The following DOCK8 variants were observed in gnomAD, a reference collection of about 807,000 sequenced individuals.
The protein encoded by DOCK8 is dedicator of cytokinesis protein 8.
DOCK8 carries 141 observed loss-of-function variants against 245.6 expected under a neutral mutation model. The ratio of observed to expected loss-of-function variants is 0.57; its 90% CI spans 0.50 to 0.66. DOCK8 has a LOEUF of 0.66. Ranked by LOEUF, DOCK8 falls within the 30% of genes least tolerant of loss-of-function variation. The pLI, the probability that DOCK8 is intolerant of heterozygous loss-of-function variation, is 0.00. For synonymous variants in DOCK8, 1,168 were observed against 970.2 expected, an observed-to-expected ratio of 1.20 and a Z score of -3.79; for missense variants, 2,965 against 2,603.4, an observed-to-expected ratio of 1.14 and a Z score of -3.02.
intron 7 of DOCK8, among the ~76,000 whole-genome samples, chr9:323,409 G>T (rs1185897366): frequency 2.0e-5 from 3 of 151,898 alleles, no homozygotes; most frequent in Admixed American, 2.0e-4. Context: ...GTTTAGTAGA[G>T]ACAGGGTTTC....
At position 463,503 on chromosome 9, in the gene DOCK8, T is replaced by C. The variant is rs1378679230; in HGVS notation, c.6069-14T>C. Reference sequence around the variant, plus strand: ...AAGTCATTTATTTCTCCCACACTGATATTTTCATCTCAGATGTGGTGAAGC... The same window carrying C: ...AAGTCATTTATTTCTCCCACACTGACATTTTCATCTCAGATGTGGTGAAGC... On this transcript the variant is annotated splice_polypyrimidine_tract_variant and intron_variant, in intron 46 of 47. Transcript: ENST00000432829. The C allele has an allele frequency of 1.9e-6, 3 of 1,613,898 alleles. No individual in the cohort carries two copies. The highest frequency in any genetic ancestry group is 1.7e-5 in the Admixed American group (1 of 60,000).
Position 361,001 on chromosome 9 carries a change from A to G in DOCK8, c.1680-7017A>G, listed in dbSNP as rs553173012. Among the ~76,000 whole-genome samples, 14 of 152,294 alleles carry G rather than the reference A, an allele frequency of 9.2e-5. No homozygotes were observed. In the South Asian group the frequency reaches 1.5e-3, roughly 16 times the overall value. ...ACAGGAAGATTTCACCTCTACAAAAAGTAAAACTAAAAAATTAGCCAGGCA... is the reference window on the plus strand; with the variant it reads ...ACAGGAAGATTTCACCTCTACAAAAGGTAAAACTAAAAAATTAGCCAGGCA... On this transcript the variant is annotated intron_variant, in intron 14 of 47. Transcript: ENST00000432829.
intron 14 of DOCK8, 65 bp downstream of exon 14, chr9:340,386 C>T (rs549296093): frequency 3.3e-5 from 53 of 1,595,526 alleles, no homozygotes; most frequent in East Asian, 4.5e-5. Context: ...TTTGGGAGGC[C>T]GAGGCAGGAG....
intron 44 of DOCK8, 35 bp from the exon 45 acceptor site, chr9:449,749 A>G: frequency 4.3e-6 from 7 of 1,612,146 alleles, no homozygotes; most frequent in Non-Finnish European, 5.9e-6. Flanking sequence ...ATGAGACCAG[A>G]CAGTGACTTC....
chr9:377,247 G>A (rs1426404479), intron 20 of DOCK8, 36 bp downstream of exon 20: 1 of 1,526,298 alleles, frequency 6.6e-7, no homozygotes, highest in South Asian at 1.2e-5. Flanking sequence ...GAGGAGGCAG[G>A]AGCAAGCAAG....
chr9:275,901 T>A (rs927329071), intron 2 of DOCK8, among the ~76,000 whole-genome samples: 3 of 144,414 alleles, frequency 2.1e-5, no homozygotes, highest in African/African-American at 7.7e-5. Flanking sequence ...GTTTTACTTT[T>A]TTTTTTTGTA....
At chr9:333,400 G>C (rs972295853) in intron 10 of DOCK8, among the ~76,000 whole-genome samples, 2 of 152,178 alleles carry the variant, frequency 1.3e-5, no homozygotes, top group African/African-American at 2.4e-5. Context: ...AGAAGATTGA[G>C]ACCATCCTGG....
intron 2 of DOCK8, among the ~76,000 whole-genome samples, chr9:272,574 CAG>C (rs1187905263): frequency 2.6e-5 from 4 of 152,192 alleles, no homozygotes; most frequent in African/African-American, 7.2e-5. Flanking sequence ...TTTGTAGAGA[CAG>C]GGGTCTCGCT....
rs770655713 is a variant in DOCK8 at position 214,948 on chromosome 9, C to T, written c.-29C>T. ...GCCCCCGCTTTCCGCACCCCGCGAC[C>T]CTAGAAGCCACCGAACCGCCGGCGG... On this transcript the variant is annotated 5_prime_UTR_variant, in exon 1 of 48. Transcript: ENST00000432829. The T allele has an allele frequency of 1.9e-6, 3 of 1,604,208 alleles. No individual in the cohort carries two copies. The highest frequency in any genetic ancestry group is 1.1e-5 in the South Asian group (1 of 89,942).
chr9:433,362 GTC>G (rs1440477000), intron 37 of DOCK8, among the ~76,000 whole-genome samples: 1 of 152,170 alleles, frequency 6.6e-6, no homozygotes, highest in Admixed American at 6.5e-5. Flanking sequence ...TCAAGCCATA[GTC>G]TCTCCCTGTT....
chr9:460,962 T>A (rs2057785073), intron 46 of DOCK8, among the ~76,000 whole-genome samples: 1 of 152,258 alleles, frequency 6.6e-6, no homozygotes, highest in South Asian at 2.1e-4. Flanking sequence ...TTACTAATTA[T>A]TGCGTGTTAG....
intron 14 of DOCK8, chr9:365,668 A>G (rs2052954311): frequency 2.2e-6 from 1 of 448,868 alleles, no homozygotes; most frequent in Non-Finnish European, 4.4e-6. Flanking sequence ...ATGCTTTGGA[A>G]AAGCTAAGTA....
In DOCK8 at chr9:400,959, C is replaced by CCACCTCCTCCACCAT. The variant is rs2055027443; in HGVS notation, c.3234+1704_3234+1705insTCCTCCACCATCACC. Among the ~76,000 whole-genome samples the CCACCTCCTCCACCAT allele has an allele frequency of 1.5e-4, 7 of 47,880 alleles. 1 individual carries two copies. Among genetic ancestry groups the CCACCTCCTCCACCAT allele is most frequent in the East Asian group, 1.3e-3 (3 of 2,302 alleles). 31.4% of individuals were successfully genotyped at this position (47,880 alleles called of 152,430 possible). A position where few individuals can be genotyped will look rare whatever the true frequency, so the allele number is the denominator to read the frequency against. Reference sequence around the variant, plus strand: ...TCCACCACCACCATCACCACCACCACCACCACCTCCTCCACCATCACCACC... The same window carrying CCACCTCCTCCACCAT: ...TCCACCACCACCATCACCACCACCACCACCTCCTCCACCATCACCACCTCCTCCACCATCACCACC... On this transcript the variant is annotated intron_variant, in intron 26 of 47. Transcript: ENST00000432829.
At chr9:387,442 CAAAAAAAA>C (rs139131854) in intron 23 of DOCK8, among the ~76,000 whole-genome samples, 102 of 77,140 alleles carry the variant, frequency 1.3e-3, no homozygotes, top group African/African-American at 3.4e-3. Flanking sequence ...GACTCCATTT[CAAAAAAAA>C]AAAAAAAGAA....
At chr9:225,605 G>T (rs1459346304) in intron 1 of DOCK8, among the ~76,000 whole-genome samples, 2 of 152,154 alleles carry the variant, frequency 1.3e-5, no homozygotes, top group African/African-American at 4.8e-5. Flanking sequence ...CCTACTATGT[G>T]CCTAGCACTA....
At chr9:382,265 C>G (rs1039559990) in intron 21 of DOCK8, among the ~76,000 whole-genome samples, 9 of 152,212 alleles carry the variant, frequency 5.9e-5, no homozygotes, top group African/African-American at 9.6e-5. Flanking sequence ...GTAGTACCCC[C>G]TGCCTTTGTA....
At chr9:348,338 G>A (rs1400141534) in intron 14 of DOCK8, among the ~76,000 whole-genome samples, 2 of 152,180 alleles carry the variant, frequency 1.3e-5, no homozygotes, top group Non-Finnish European at 2.9e-5. Context: ...GTAAGGAGGT[G>A]CTGTGTACAT....
At chr9:423,951 A>C (rs754974739) in intron 33 of DOCK8, among the ~76,000 whole-genome samples, 33 of 152,076 alleles carry the variant, frequency 2.2e-4, no homozygotes, top group Non-Finnish European at 4.4e-4. Context: ...GGTCCTTACC[A>C]CGCATGGCCT....
chr9:295,684 C>T (rs912260924), intron 4 of DOCK8, among the ~76,000 whole-genome samples: 5 of 152,160 alleles, frequency 3.3e-5, no homozygotes, highest in Admixed American at 6.5e-5. Flanking sequence ...TAGTTAGCTC[C>T]TTTATTTCTC....
Sources: allele counts gnomAD v4.1 joint callset (sites outside exome capture counted in the v4.1 genomes callset), GRCh38; gene constraint gnomAD v4.1.1; transcripts MANE v1.5; gene names NCBI Gene and HGNC (gene_info 2026-07-23, HGNC 2026-07-21).